Variants in SLC25A42 observed in about 807,000 individuals in gnomAD.
The protein encoded by SLC25A42 is mitochondrial coenzyme A transporter SLC25A42.
A neutral mutation model predicts 34.7 loss-of-function variants in SLC25A42; 19 were observed. The ratio of observed to expected loss-of-function variants is 0.55; its 90% CI spans 0.38 to 0.80. The LOEUF (loss-of-function observed/expected upper bound fraction) is 0.80. SLC25A42 is among the 30% of genes least tolerant of loss of function. SLC25A42 has a pLI of 0.00. For synonymous variants in SLC25A42, 205 were observed against 191.2 expected, an observed-to-expected ratio of 1.07 and a Z score of -0.59; for missense variants, 364 against 441.3, an observed-to-expected ratio of 0.82 and a Z score of 1.57.
At chr19:19,087,638 T>C (rs566521966) in intron 1 of SLC25A42, among the ~76,000 whole-genome samples, 20 of 152,336 alleles carry the variant, frequency 1.3e-4, no homozygotes, top group Admixed American at 7.2e-4. Flanking sequence ...TGCCTAATGG[T>C]GTTTTCTATT....
chr19:19,105,861 C>T, intron 5 of SLC25A42, 134 bp downstream of exon 5: 1 of 771,410 alleles, frequency 1.3e-6, no homozygotes, highest in Non-Finnish European at 2.0e-6. Flanking sequence ...CAACGAAACA[C>T]TGGGAGACTC....
intron 2 of SLC25A42, among the ~76,000 whole-genome samples, 161 bp from the exon 3 acceptor site, chr19:19,101,620 C>T (rs2059796551): frequency 6.6e-6 from 1 of 152,190 alleles, no homozygotes; most frequent in Non-Finnish European, 1.5e-5. Context: ...GGCCTGTGGA[C>T]CCACCACAGA....
intron 1 of SLC25A42, among the ~76,000 whole-genome samples, chr19:19,078,639 A>G (rs1568509988): frequency 1.3e-5 from 2 of 152,186 alleles, no homozygotes; most frequent in Non-Finnish European, 2.9e-5. Context: ...TCCAGCAGCT[A>G]ATCTAATTCC....
chr19:19,080,069 G>A (rs537604233), intron 1 of SLC25A42, among the ~76,000 whole-genome samples: 30 of 152,306 alleles, frequency 2.0e-4, no homozygotes, highest in African/African-American at 7.0e-4. Flanking sequence ...CAGATGCTTG[G>A]CAGGATGGGT....
rs1393385374 is a variant in SLC25A42 at position 19,081,625 on chromosome 19, A to C, written c.-34-14466A>C. ...GAACTGGGGCTTCCTCCCCGAACCC[A>C]TCCAAGCCTCCCTGTCCCAGGAAAC... is the stretch of plus-strand genomic sequence containing the variant. On this transcript the variant is annotated intron_variant, in intron 1 of 7. Transcript: ENST00000318596. The surrounding 1 kb of genome is among the most constrained non-coding windows in gnomAD (Gnocchi z 4.5). Among the ~76,000 whole-genome samples, 1 of 152,100 alleles carries C rather than the reference A, an allele frequency of 6.6e-6. No homozygotes were observed. The highest frequency in any genetic ancestry group is 1.5e-5 in the Non-Finnish European group (1 of 68,012).
chr19:19,110,541 C>G (rs1420502627), intron 7 of SLC25A42, 28 bp from the exon 8 acceptor site: 3 of 1,378,522 alleles, frequency 2.2e-6, no homozygotes, highest in Non-Finnish European at 1.9e-6. Context: ...GCGGCGCCTT[C>G]ACGGCCCTCC....
intron 1 of SLC25A42, among the ~76,000 whole-genome samples, chr19:19,093,079 G>GC (rs2059746609): frequency 6.6e-6 from 1 of 152,282 alleles, no homozygotes; most frequent in African/African-American, 2.4e-5. Flanking sequence ...GGAGTGTACT[G>GC]CTGAAATCAC....
chr19:19,110,506 A>T, intron 7 of SLC25A42, 63 bp from the exon 8 acceptor site: 1 of 1,340,014 alleles, frequency 7.5e-7, no homozygotes, highest in Non-Finnish European at 9.6e-7. Flanking sequence ...AGGCGCGCGC[A>T]CGGGTGCGGG....
intron 1 of SLC25A42, among the ~76,000 whole-genome samples, chr19:19,073,530 A>G (rs998659799): frequency 1.3e-5 from 2 of 151,932 alleles, no homozygotes; most frequent in African/African-American, 2.4e-5. Flanking sequence ...TTGAAGGCCA[A>G]TCAAATGCGG....
In SLC25A42 at chr19:19,111,026, A is replaced by T. The variant is rs1166263250; in HGVS notation, c.*150A>T. 2 of 858,542 alleles carry T rather than the reference A, an allele frequency of 2.3e-6. No homozygotes were observed. The highest frequency in any genetic ancestry group is 1.8e-6 in the Non-Finnish European group (1 of 564,790). The allele number at this position is 858,542 out of a possible 1,614,324, so 53.2% of individuals were successfully genotyped here. ...AGGTGGGCCTGAGGGGCCTGGGCTCAGAGTCCACGTCCAAACGCAAAGCTG... is the reference window on the plus strand; with the variant it reads ...AGGTGGGCCTGAGGGGCCTGGGCTCTGAGTCCACGTCCAAACGCAAAGCTG... On this transcript the variant is annotated 3_prime_UTR_variant, in exon 8 of 8. Transcript: ENST00000318596.
At chr19:19,107,393 G>C (rs2059837508) in intron 6 of SLC25A42, among the ~76,000 whole-genome samples, 1 of 151,872 alleles carries the variant, frequency 6.6e-6, no homozygotes, top group Non-Finnish European at 1.5e-5. Flanking sequence ...AGCACTTTGA[G>C]AGGCTGGGGT....
At chr19:19,072,381 A>C (rs1415904589) in intron 1 of SLC25A42, among the ~76,000 whole-genome samples, 1 of 151,842 alleles carries the variant, frequency 6.6e-6, no homozygotes, top group Non-Finnish European at 1.5e-5. Flanking sequence ...TTTTACTTTA[A>C]ATTTTTTGTT....
rs533046842 is a variant in SLC25A42 at position 19,108,279 on chromosome 19, C to T, written c.649+234C>T. Among the ~76,000 whole-genome samples, 7 of 152,244 alleles carry T rather than the reference C, an allele frequency of 4.6e-5. No individual in the cohort carries two copies. In the South Asian group the frequency reaches 1.5e-3, roughly 32 times the overall value. On this transcript the variant is annotated intron_variant, in intron 7 of 7. Coordinates refer to ENST00000318596, the MANE Select transcript of SLC25A42 (RefSeq NM_178526.5). ...AAGTGAGAGGAACTCTGGCTGGTGC[C>T]ACGGCTCGTGCCTGTAATCCCAGTG...
At chr19:19,107,748 G>T (rs1374135899) in intron 6 of SLC25A42, 146 bp from the exon 7 acceptor site, 5 of 757,248 alleles carry the variant, frequency 6.6e-6, no homozygotes, top group Admixed American at 4.7e-5. Context: ...GAGTGATGGG[G>T]TTATATGTCT....
Position 19,110,917 on chromosome 19 carries a change from C to A in SLC25A42, c.*41C>A, listed in dbSNP as rs759469967. ...TCTCAGGACGGTGGACCGGTGACCC[C>A]TTTGTATTCTGGGCCCATGGAACGG... On this transcript the variant is annotated 3_prime_UTR_variant, in exon 8 of 8. Coordinates refer to ENST00000318596, the MANE Select transcript of SLC25A42 (RefSeq NM_178526.5). 1.2e-6 allele frequency: 2 copies of A among 1,606,062 alleles called. No homozygotes were observed. The highest frequency in any genetic ancestry group is 1.1e-5 in the South Asian group (1 of 90,618).
chr19:19,105,561 G>C lies in SLC25A42; in HGVS notation c.214G>C (p.Glu72Gln). The change falls in exon 5 of 8, where the codon GAG (glutamate) becomes CAG (glutamine). Residue 72 changes from glutamate to glutamine, a missense_variant and splice_region_variant. Transcript: ENST00000318596. Reference sequence around the variant, plus strand: ...TGTTGACCTTCCCGCTTATCTCCAGGAGGCCTTCCGGGTCCTCTACTACAC... The same window carrying C: ...TGTTGACCTTCCCGCTTATCTCCAGCAGGCCTTCCGGGTCCTCTACTACAC... ...QVSSKRFSAK[E>Q]AFRVLYYTYL... The C allele has an allele frequency of 1.2e-6, 2 of 1,610,698 alleles. No homozygotes were observed. Among genetic ancestry groups the C allele is most frequent in the Non-Finnish European group, 1.7e-6 (2 of 1,177,466 alleles).
chr19:19,110,233 C>T (rs1245446772), intron 7 of SLC25A42, among the ~76,000 whole-genome samples: 1 of 152,092 alleles, frequency 6.6e-6, no homozygotes, highest in Non-Finnish European at 1.5e-5. Context: ...GTATTCCCAG[C>T]TACTTTGGAG....
intron 2 of SLC25A42, among the ~76,000 whole-genome samples, chr19:19,098,226 GC>G (rs2059775992): frequency 6.6e-6 from 1 of 152,148 alleles, no homozygotes; most frequent in Non-Finnish European, 1.5e-5. Context: ...ATGTGAACTG[GC>G]CCCAACACAC....
chr19:19,104,743 G>A (rs2059816993), intron 3 of SLC25A42, among the ~76,000 whole-genome samples, 170 bp from the exon 4 acceptor site: 1 of 152,174 alleles, frequency 6.6e-6, no homozygotes, highest in African/African-American at 2.4e-5. Context: ...TCCTCTCAAT[G>A]GAGACCCTCA....
Sources: allele counts gnomAD v4.1 joint callset (sites outside exome capture counted in the v4.1 genomes callset), GRCh38; gene constraint gnomAD v4.1.1; non-coding constraint Gnocchi (gnomAD v3.1); transcripts MANE v1.5; gene names NCBI Gene and HGNC (gene_info 2026-07-23, HGNC 2026-07-21).